Variants in COL4A3 observed in about 807,000 individuals in gnomAD.
The protein encoded by COL4A3 is collagen alpha-3(IV) chain.
COL4A3 carries 135 observed loss-of-function variants against 217.4 expected under a neutral mutation model. The observed-to-expected ratio is 0.62, with a 90% CI of 0.54 to 0.72. The LOEUF (loss-of-function observed/expected upper bound fraction) is 0.72. COL4A3 is among the 30% of genes least tolerant of loss of function. The probability of loss-of-function intolerance (pLI) is 0.00; values close to 1 mark genes in which losing one functional copy is unlikely to be tolerated. For synonymous variants in COL4A3, 690 were observed against 736.3 expected (o/e 0.94, Z 1.02); for missense variants, 1,868 against 2,119.9 (o/e 0.88, Z 2.33).
At chr2:227,227,426 A>C (rs1008840964) in intron 1 of COL4A3, among the ~76,000 whole-genome samples, 1 of 152,004 alleles carries the variant, frequency 6.6e-6, no homozygotes, top group Admixed American at 6.5e-5. Context: ...GTGAAACCCC[A>C]TCTCTACTGG....
intron 18 of COL4A3, chr2:227,259,323 G>A (rs1166307866): frequency 6.5e-6 from 1 of 153,804 alleles, no homozygotes; most frequent in African/African-American, 2.4e-5. Context: ...ATTTTTTGAT[G>A]TGTGGGTTCC....
chr2:227,181,460 T>C (rs2065865582), intron 1 of COL4A3, among the ~76,000 whole-genome samples: 1 of 152,258 alleles, frequency 6.6e-6, no homozygotes, highest in Admixed American at 6.5e-5. Flanking sequence ...AACATAACTA[T>C]TCTTTATACA....
At chr2:227,274,268 A>AATAAATAAATAAATAAATAT (rs1165418861) in intron 26 of COL4A3, among the ~76,000 whole-genome samples, 5 of 151,594 alleles carry the variant, frequency 3.3e-5, no homozygotes, top group African/African-American at 1.2e-4. Flanking sequence ...TAAATAAATA[A>AATAAATAAATAAATAAATAT]ATAAATTTTA....
intron 1 of COL4A3, among the ~76,000 whole-genome samples, chr2:227,188,659 T>C (rs954726454): frequency 2.0e-5 from 3 of 152,256 alleles, no homozygotes; most frequent in Admixed American, 6.5e-5. Context: ...AATCAATAAC[T>C]TTCTGAATTA....
At chr2:227,249,906 T>C (rs145337492) in intron 9 of COL4A3, among the ~76,000 whole-genome samples, 106 of 152,338 alleles carry the variant, frequency 7.0e-4, no homozygotes, top group Admixed American at 2.7e-3. Flanking sequence ...GTGATGATGC[T>C]GAAGATATAA....
chr2:227,256,461 C>A, intron 17 of COL4A3, 65 bp downstream of exon 17: 1 of 1,292,828 alleles, frequency 7.7e-7, no homozygotes, highest in Non-Finnish European at 1.1e-6. Flanking sequence ...ACTTTTACCT[C>A]CAACCCTGGA....
At chr2:227,174,534 T>C (rs1373400056) in intron 1 of COL4A3, among the ~76,000 whole-genome samples, 1 of 152,004 alleles carries the variant, frequency 6.6e-6, no homozygotes, top group East Asian at 1.9e-4. Flanking sequence ...TGAGATGGAG[T>C]CTTGCTCTGT....
chr2:227,267,696 C>A (rs568082027), intron 23 of COL4A3, among the ~76,000 whole-genome samples: 39 of 152,046 alleles, frequency 2.6e-4, no homozygotes, highest in African/African-American at 9.4e-4. Flanking sequence ...AATAAATCTT[C>A]CAAGTTTTCA....
chr2:227,183,235 C>T (rs796163234), intron 1 of COL4A3, among the ~76,000 whole-genome samples: 75 of 152,324 alleles, frequency 4.9e-4, no homozygotes, highest in African/African-American at 1.8e-3. Context: ...TTACGTTCTT[C>T]ATGGCCACCA....
At chr2:227,285,792 C>T (rs1463074801) in intron 34 of COL4A3, among the ~76,000 whole-genome samples, 1 of 152,196 alleles carries the variant, frequency 6.6e-6, no homozygotes, top group Non-Finnish European at 1.5e-5. Flanking sequence ...CTCTTTTACT[C>T]ACCCTAAGTA....
rs560905608 is a variant in COL4A3 at position 227,286,082 on chromosome 2, A to G, written c.2881+1737A>G. Reference sequence around the variant, plus strand: ...AGGCATATGTAGAAAAAGATAATAAAGACGCGAGGTGCAAATTAGCATGCT... The same window carrying G: ...AGGCATATGTAGAAAAAGATAATAAGGACGCGAGGTGCAAATTAGCATGCT... On this transcript the variant is annotated intron_variant, in intron 34 of 51. Coordinates refer to ENST00000396578, the MANE Select transcript of COL4A3 (RefSeq NM_000091.5). Among the ~76,000 whole-genome samples the G allele has an allele frequency of 2.0e-4, 30 of 152,358 alleles. No individual in the cohort carries two copies. The South Asian group carries it at 4.6e-3, about 23-fold the overall frequency.
intron 1 of COL4A3, among the ~76,000 whole-genome samples, chr2:227,166,902 A>T (rs1234700299): frequency 2.0e-5 from 3 of 152,188 alleles, no homozygotes. Context: ...TCTCATGTGT[A>T]AAATGAGAGT....
chr2:227,211,354 T>A (rs1214319929), intron 1 of COL4A3, among the ~76,000 whole-genome samples: 1 of 152,198 alleles, frequency 6.6e-6, no homozygotes, highest in East Asian at 1.9e-4. Context: ...ATCCTATGAA[T>A]GTAACAAAAT....
At chr2:227,202,730 G>A (rs771552910) in intron 1 of COL4A3, among the ~76,000 whole-genome samples, 16 of 53,384 alleles carry the variant, frequency 3.0e-4, no homozygotes, top group Admixed American at 5.4e-4. Flanking sequence ...GCGAGAATCC[G>A]TCTCTAAAAA....
At chr2:227,258,283 C>T (rs1484293076) in intron 18 of COL4A3, among the ~76,000 whole-genome samples, 7 of 152,150 alleles carry the variant, frequency 4.6e-5, no homozygotes, top group Admixed American at 6.6e-5. Context: ...TTAAACAAAA[C>T]GGCACATGGT....
At chr2:227,236,350 C>T (rs2068697709) in intron 1 of COL4A3, among the ~76,000 whole-genome samples, 1 of 152,166 alleles carries the variant, frequency 6.6e-6, no homozygotes, top group African/African-American at 2.4e-5. Flanking sequence ...TGTGTGCTCC[C>T]TTCCTGGAAT....
At chr2:227,243,435 T>C (rs1028167661) in intron 3 of COL4A3, among the ~76,000 whole-genome samples, 7 of 152,212 alleles carry the variant, frequency 4.6e-5, no homozygotes, top group Non-Finnish European at 4.4e-5. Flanking sequence ...AAGTAAAACC[T>C]GCAAGTAAAA....
rs973766917 is a variant in COL4A3 at position 227,250,353 on chromosome 2, T to C, written c.547-787T>C. On this transcript the variant is annotated intron_variant, in intron 9 of 51. Coordinates refer to ENST00000396578, the MANE Select transcript of COL4A3 (RefSeq NM_000091.5). This position sits in a 1 kb window ranked among gnomAD's most constrained non-coding sequence, Gnocchi z 4.1. ...AGATAAAAGATGATAGATAGATAGA[T>C]AGATAGATAGATAGATAGATAGATA... is the stretch of plus-strand genomic sequence containing the variant. Among the ~76,000 whole-genome samples, 6 of 147,206 alleles carry C rather than the reference T, an allele frequency of 4.1e-5. No homozygotes were observed. The highest frequency in any genetic ancestry group is 8.9e-5 in the Non-Finnish European group (6 of 67,294).
intron 1 of COL4A3, among the ~76,000 whole-genome samples, chr2:227,217,874 G>A (rs911811123): frequency 2.0e-5 from 3 of 151,908 alleles, no homozygotes; most frequent in Admixed American, 2.0e-4. Context: ...ACATTATTCT[G>A]GACATTACTG....
Sources: allele counts gnomAD v4.1 joint callset (sites outside exome capture counted in the v4.1 genomes callset), GRCh38; gene constraint gnomAD v4.1.1; non-coding constraint Gnocchi (gnomAD v3.1); transcripts MANE v1.5; gene names NCBI Gene and HGNC (gene_info 2026-07-23, HGNC 2026-07-21).